Variants in PTPDC1 observed in about 807,000 individuals in gnomAD.
The protein encoded by PTPDC1 is protein tyrosine phosphatase domain containing 1.
In PTPDC1, 53 loss-of-function variants were observed where a neutral mutation model predicts 75.3. That is an observed-to-expected ratio of 0.70 (90% CI 0.56 to 0.88). The LOEUF (loss-of-function observed/expected upper bound fraction) is 0.88, where lower values mean the gene tolerates loss of function less well. Among genes scored for constraint, PTPDC1 ranks in the 40% least tolerant of loss-of-function variants. PTPDC1 has a pLI of 0.00. For missense variants in PTPDC1, 925 were observed against 998.6 expected (o/e 0.93, Z 0.99); for synonymous variants, 349 against 366.2 (o/e 0.95, Z 0.54).
At chr9:94,096,367 C>T (rs970029557) in intron 5 of PTPDC1, among the ~76,000 whole-genome samples, 3 of 152,120 alleles carry the variant, frequency 2.0e-5, no homozygotes, top group Non-Finnish European at 4.4e-5. Context: ...TACATTTATA[C>T]TAAGATCTTC....
chr9:94,042,270 A>G (rs897435070), intron 1 of PTPDC1, among the ~76,000 whole-genome samples: 25 of 152,278 alleles, frequency 1.6e-4, no homozygotes, highest in African/African-American at 6.0e-4. Flanking sequence ...GCTTTCTTTT[A>G]CAGTTTCCAT....
chr9:94,048,184 T>TC (rs1216954583), intron 1 of PTPDC1, among the ~76,000 whole-genome samples: 1 of 152,144 alleles, frequency 6.6e-6, no homozygotes, highest in Non-Finnish European at 1.5e-5. Context: ...TTTTGAAGGG[T>TC]TTTTTGTGTC....
chr9:94,075,210 G>T (rs1197781909), intron 2 of PTPDC1, among the ~76,000 whole-genome samples: 1 of 152,158 alleles, frequency 6.6e-6, no homozygotes, highest in East Asian at 1.9e-4. Flanking sequence ...TCCAATTGGG[G>T]TATGGAAAAT....
chr9:94,047,674 G>C (rs1021579268), intron 1 of PTPDC1, among the ~76,000 whole-genome samples: 1 of 152,074 alleles, frequency 6.6e-6, no homozygotes, highest in Non-Finnish European at 1.5e-5. Context: ...CTGCTAACAA[G>C]ACTAATAAAG....
chr9:94,045,737 G>C (rs11515595), intron 1 of PTPDC1, among the ~76,000 whole-genome samples: 6,883 of 152,164 alleles, frequency 0.045, 247 homozygotes, highest in Middle Eastern at 0.099. Context: ...GTAGATTCTG[G>C]ATATTAGCCC....
intron 1 of PTPDC1, chr9:94,064,726 T>C (rs552192335): frequency 1.2e-6 from 2 of 1,606,454 alleles, no homozygotes; most frequent in African/African-American, 1.3e-5. Context: ...TAATTTTTTT[T>C]CCAACAGACT....
At position 94,097,850 on chromosome 9, in the gene PTPDC1, A is replaced by G; in HGVS notation, c.1284A>G (p.Lys428=). The G allele has an allele frequency of 1.2e-6, 2 of 1,614,212 alleles. No individual in the cohort carries two copies. The highest frequency in any genetic ancestry group is 1.7e-6 in the Non-Finnish European group (2 of 1,180,048). The change falls in exon 6 of 9, where the codon AAA becomes AAG. Residue 428 remains lysine (K), a synonymous_variant. Transcript: ENST00000620992. ...AGCAACAGTTTGACCCTCTTTGGAA[A>G]AGGCGGAATGTTGAGTGCCTTCAAC... ...SNEQQFDPLW[K]RRNVECLQPL...
intron 1 of PTPDC1, among the ~76,000 whole-genome samples, chr9:94,042,956 G>A (rs1267811721): frequency 1.3e-5 from 2 of 152,160 alleles, no homozygotes; most frequent in Non-Finnish European, 2.9e-5. Context: ...TCCGTAAAAA[G>A]CAGTCCCTCC....
intron 1 of PTPDC1, among the ~76,000 whole-genome samples, chr9:94,054,287 G>A (rs1825869565): frequency 6.6e-6 from 1 of 152,190 alleles, no homozygotes; most frequent in Non-Finnish European, 1.5e-5. Context: ...ACTGGCTGAA[G>A]TTCACAGGAT....
rs573562602 is a variant in PTPDC1 at position 94,108,180 on chromosome 9, A to G, written c.*236A>G. ...AATTTGGTGCCACTTTCTTTTATTT[A>G]TTTGACTGAGTTAATATTATTGTAT... On this transcript the variant is annotated 3_prime_UTR_variant, in exon 9 of 9. Transcript: ENST00000620992. 1 of 281,992 alleles carries G rather than the reference A, an allele frequency of 3.5e-6. No individual in the cohort carries two copies. Among genetic ancestry groups the G allele is most frequent in the African/African-American group, 2.2e-5 (1 of 45,968 alleles). 17.5% of individuals were successfully genotyped at this position (281,992 alleles called of 1,614,324 possible). A position where few individuals can be genotyped will look rare whatever the true frequency, so the allele number is the denominator to read the frequency against.
At chr9:94,068,608 A>G (rs1826402025) in intron 2 of PTPDC1, among the ~76,000 whole-genome samples, 2 of 152,162 alleles carry the variant, frequency 1.3e-5, no homozygotes, top group South Asian at 4.1e-4. Context: ...CTCATAGTTA[A>G]TATTTTAAGG....
chr9:94,099,152 C>T (rs1010796070), intron 6 of PTPDC1, among the ~76,000 whole-genome samples: 11 of 152,170 alleles, frequency 7.2e-5, no homozygotes, highest in African/African-American at 2.4e-4. Context: ...TTCACTTTAG[C>T]TGAGTTGAGG....
Position 94,098,478 on chromosome 9 carries a change from T to C in PTPDC1, c.1912T>C (p.Leu638=), listed in dbSNP as rs780446735. 6.2e-7 allele frequency: 1 copy of C among 1,614,182 alleles called. No homozygotes were observed. The highest frequency in any genetic ancestry group is 1.1e-5 in the South Asian group (1 of 91,088). Reference sequence around the variant, plus strand: ...TTCACACTCTGCATTACAGTCTGAATTGAGTGCTGAGGCAAGAAGAATACT... The same window carrying C: ...TTCACACTCTGCATTACAGTCTGAACTGAGTGCTGAGGCAAGAAGAATACT... ...AASHSALQSE[L]SAEARRILAA... The change falls in exon 6 of 9, where the codon TTG becomes CTG. Residue 638 remains leucine, a synonymous_variant. Coordinates refer to ENST00000620992, the MANE Select transcript of PTPDC1 (RefSeq NM_001253829.2).
intron 2 of PTPDC1, among the ~76,000 whole-genome samples, chr9:94,071,932 C>T (rs1163369571): frequency 2.0e-5 from 3 of 152,166 alleles, no homozygotes; most frequent in Non-Finnish European, 4.4e-5. Flanking sequence ...TTTCAGCATA[C>T]AGATTCATAC....
At chr9:94,097,292 A>C (rs199534766) in intron 5 of PTPDC1, 29 bp from the exon 6 acceptor site, 1 of 1,415,550 alleles carries the variant, frequency 7.1e-7, no homozygotes, top group East Asian at 2.3e-5. Flanking sequence ...AGCTTTTCTC[A>C]TACCAGTCTT....
rs139464363 is a variant in PTPDC1, at chr9:94,085,901, C to T, written c.416+479C>T. On this transcript the variant is annotated intron_variant, in intron 2 of 8. Transcript: ENST00000620992. ...TAATAAAAGTGGTACAAGTTGTCAG[C>T]TCAGTAGAAAACATAAGATATTTGC... Among the ~76,000 whole-genome samples the T allele has an allele frequency of 9.3e-3, 1,422 of 152,208 alleles. 18 individuals are homozygous for T. Among genetic ancestry groups the T allele is most frequent in the Middle Eastern group, 0.034 (10 of 294 alleles).
At chr9:94,044,332 ATG>A (rs1179450588) in intron 1 of PTPDC1, among the ~76,000 whole-genome samples, 1 of 152,222 alleles carries the variant, frequency 6.6e-6, no homozygotes, top group Non-Finnish European at 1.5e-5. Flanking sequence ...TCCAGGGTAC[ATG>A]TGCAGGATGT....
intron 1 of PTPDC1, among the ~76,000 whole-genome samples, chr9:94,061,216 G>T (rs1826119705): frequency 6.6e-6 from 1 of 152,188 alleles, no homozygotes; most frequent in African/African-American, 2.4e-5. Flanking sequence ...CAACCTTAAA[G>T]CTCCAAAATA....
At chr9:94,060,448 G>A (rs1218746094) in intron 1 of PTPDC1, among the ~76,000 whole-genome samples, 2 of 152,164 alleles carry the variant, frequency 1.3e-5, no homozygotes, top group Non-Finnish European at 2.9e-5. Context: ...TTGTAACCCA[G>A]AAGAGGACAA....
Sources: allele counts gnomAD v4.1 joint callset (sites outside exome capture counted in the v4.1 genomes callset), GRCh38; gene constraint gnomAD v4.1.1; transcripts MANE v1.5; gene names NCBI Gene and HGNC (gene_info 2026-07-23, HGNC 2026-07-21).